The following RCOR3 variants were observed in gnomAD, a reference collection of about 807,000 sequenced individuals.
RCOR3 encodes REST corepressor 3.
A neutral mutation model predicts 64.1 loss-of-function variants in RCOR3; 13 were observed. The ratio of observed to expected loss-of-function variants is 0.20; its 90% CI spans 0.13 to 0.32. The LOEUF (loss-of-function observed/expected upper bound fraction) is 0.32, where lower values mean the gene tolerates loss of function less well. RCOR3 is among the 10% of genes least tolerant of loss of function. RCOR3 has a pLI of 1.00. For missense variants in RCOR3, 489 were observed against 701.2 expected (o/e 0.70, Z 3.42); for synonymous variants, 215 against 239.0 (o/e 0.90, Z 0.93).
intron 9 of RCOR3, chr1:211,301,913 A>G (rs1407973944): frequency 6.6e-6 from 1 of 152,204 alleles, no homozygotes; most frequent in Non-Finnish European, 1.5e-5. Context: ...TGAATTGATC[A>G]ACTTTTATTT....
chr1:211,315,622 ATACCTT>A lies in RCOR3; in HGVS notation c.*1858_*1863del, dbSNP rs1234183279. 1 of 152,212 alleles carries A rather than the reference ATACCTT, an allele frequency of 6.6e-6. No individual in the cohort carries two copies. Among genetic ancestry groups the A allele is most frequent in the African/African-American group, 2.4e-5 (1 of 41,466 alleles). 9.4% of individuals were successfully genotyped at this position (152,212 alleles called of 1,614,324 possible). On this transcript the variant is annotated 3_prime_UTR_variant, in exon 12 of 12. Transcript: ENST00000419091. ...AGATTGTCTTACGTATGTGCATACT[ATACCTT>A]TACAGCGTTTATTGTCTTGTCTCTT...
intron 7 of RCOR3, among the ~76,000 whole-genome samples, chr1:211,288,507 AT>A (rs1227468718): frequency 1.5e-4 from 2 of 13,046 alleles, no homozygotes; most frequent in African/African-American, 2.6e-4. Flanking sequence ...AAATTATTTT[AT>A]AAATATATTT....
At chr1:211,310,635 A>G (rs964514852) in intron 10 of RCOR3, among the ~76,000 whole-genome samples, 57 of 152,232 alleles carry the variant, frequency 3.7e-4, no homozygotes, top group Middle Eastern at 3.2e-3. Flanking sequence ...ATGACAAGGT[A>G]AAGTCCATTG....
chr1:211,308,664 T>TTTTTG (rs1701124462), intron 10 of RCOR3, among the ~76,000 whole-genome samples: 1 of 25,704 alleles, frequency 3.9e-5, no homozygotes, highest in African/African-American at 9.0e-5. Flanking sequence ...TGGATGTGTT[T>TTTTTG]TTTTTTTTGT....
chr1:211,305,573 G>A (rs1700772365), intron 10 of RCOR3, among the ~76,000 whole-genome samples: 1 of 152,048 alleles, frequency 6.6e-6, no homozygotes, highest in Admixed American at 6.6e-5. Context: ...CTGATTTCCA[G>A]TATTCAGTTG....
At chr1:211,296,551 G>T (rs899853859) in intron 9 of RCOR3, among the ~76,000 whole-genome samples, 4 of 152,124 alleles carry the variant, frequency 2.6e-5, no homozygotes, top group Non-Finnish European at 5.9e-5. Context: ...TGAAATTTAT[G>T]TGAGGGGCTA....
chr1:211,286,941 G>A (rs1042238337), intron 7 of RCOR3, among the ~76,000 whole-genome samples: 2 of 152,142 alleles, frequency 1.3e-5, no homozygotes, highest in African/African-American at 2.4e-5. Flanking sequence ...TCCTTTAGAA[G>A]CCCATTTAGT....
At position 211,314,663 on chromosome 1, in the gene RCOR3, GAGA is replaced by G. The variant is rs1424766415; in HGVS notation, c.*900_*902del. 3.3e-5 allele frequency: 5 copies of G among 152,246 alleles called. No individual in the cohort carries two copies. The highest frequency in any genetic ancestry group is 9.6e-5 in the African/African-American group (4 of 41,574). 9.4% of individuals were successfully genotyped at this position (152,246 alleles called of 1,614,324 possible). ...TAGTTGCCTACATCTGGGGACTTCA[GAGA>G]AGAATTATATTTTGTTAGTTAAGTA... On this transcript the variant is annotated 3_prime_UTR_variant, in exon 12 of 12. Coordinates refer to ENST00000419091, the MANE Select transcript of RCOR3 (RefSeq NM_001136223.3).
chr1:211,289,136 G>T lies in RCOR3; in HGVS notation c.721-42G>T, dbSNP rs142071735. ...TAGACTGTTTTCACTTTATACATTT[G>T]TGAAAACCAAGTGACCTGTTATTCT... On this transcript the variant is annotated intron_variant, in intron 7 of 11. Transcript: ENST00000419091. The T allele has an allele frequency of 9.5e-6, 14 of 1,475,096 alleles. No individual in the cohort carries two copies. In the African/African-American group the frequency reaches 1.9e-4, roughly 20 times the overall value. The allele number at this position is 1,475,096 out of a possible 1,614,324, so 91.4% of individuals were successfully genotyped here.
chr1:211,285,566 A>G (rs1013384825), intron 7 of RCOR3, among the ~76,000 whole-genome samples: 1 of 152,210 alleles, frequency 6.6e-6, no homozygotes, highest in Non-Finnish European at 1.5e-5. Context: ...AGGGGAAGGA[A>G]TATAGACCCC....
intron 3 of RCOR3, among the ~76,000 whole-genome samples, chr1:211,273,850 G>A (rs893905918): frequency 1.3e-5 from 2 of 152,092 alleles, no homozygotes; most frequent in Non-Finnish European, 2.9e-5. Flanking sequence ...AAACAGCTAA[G>A]TCTCCAAATA....
chr1:211,314,312 T>A lies in RCOR3; in HGVS notation c.*544T>A, dbSNP rs1277128729. ...ATATTTAAGAAATTATAGCTGCATA[T>A]CCCTTCTTTCAAAAAATGTTGCTTT... On this transcript the variant is annotated 3_prime_UTR_variant, in exon 12 of 12. Transcript: ENST00000419091. 6.6e-6 allele frequency: 1 copy of A among 152,164 alleles called. No homozygotes were observed. Among genetic ancestry groups the A allele is most frequent in the African/African-American group, 2.4e-5 (1 of 41,452 alleles). 9.4% of individuals were successfully genotyped at this position (152,164 alleles called of 1,614,324 possible).
intron 7 of RCOR3, among the ~76,000 whole-genome samples, chr1:211,282,850 T>C (rs1698008815): frequency 2.6e-5 from 4 of 152,200 alleles, no homozygotes; most frequent in Admixed American, 2.6e-4. Flanking sequence ...TAATGAAATT[T>C]CTAAATTATT....
At position 211,313,454 on chromosome 1, in the gene RCOR3, G is replaced by A. The variant is rs766489829; in HGVS notation, c.1348G>A (p.Gly450Ser). ...AQTPQAPRTL[G>S]PSPPAPSSTP... ...GACCCCACAGGCTCCTCGGACACTG[G>A]GTCCATCACCTCCTGCCCCATCATC... Residue 450 changes from glycine to serine, a missense_variant, in exon 12 of 12, where the codon GGT (glycine) becomes AGT (serine). Physicochemically the swap from Gly to Ser is moderately conservative, Grantham distance 56. Around this residue, in one of 2 missense-constraint regions of RCOR3, gnomAD observed 402 missense variants for 617.0 expected, o/e 0.65. Transcript: ENST00000419091. This position sits in a 1 kb window ranked among gnomAD's most constrained non-coding sequence, Gnocchi z 4.7. 1.9e-6 allele frequency: 3 copies of A among 1,613,744 alleles called. No homozygotes were observed. The highest frequency in any genetic ancestry group is 2.5e-6 in the Non-Finnish European group (3 of 1,179,878).
intron 10 of RCOR3, among the ~76,000 whole-genome samples, chr1:211,311,408 CT>C (rs1335072064): frequency 6.6e-6 from 1 of 152,116 alleles, no homozygotes; most frequent in African/African-American, 2.4e-5. Context: ...GTCCAGAATG[CT>C]CTTAAAGGAA....
intron 8 of RCOR3, among the ~76,000 whole-genome samples, chr1:211,290,962 T>C (rs1458581868): frequency 2.7e-5 from 4 of 147,782 alleles, no homozygotes; most frequent in African/African-American, 1.0e-4. Flanking sequence ...TTTTCTTGTT[T>C]GTTTGTTTGG....
In RCOR3 at chr1:211,260,293, G is replaced by A. The variant is rs566494715; in HGVS notation, c.223+129G>A. ...TTGGGCTGGGCAGGCATCCGTGGCG[G>A]GGAGGCTGTCAGGCTTGGCCGGGCT... On this transcript the variant is annotated intron_variant, in intron 2 of 11. Transcript: ENST00000419091. The A allele has an allele frequency of 2.1e-5, 16 of 772,438 alleles. No individual in the cohort carries two copies. The South Asian group carries it at 2.4e-4, about 12-fold the overall frequency. The allele number at this position is 772,438 out of a possible 1,614,324, so 47.8% of individuals were successfully genotyped here. A position where few individuals can be genotyped will look rare whatever the true frequency, so the allele number is the denominator to read the frequency against.
rs1391451313 is a variant in RCOR3, at chr1:211,315,834, A to C, written c.*2066A>C. On this transcript the variant is annotated 3_prime_UTR_variant, in exon 12 of 12. Coordinates refer to ENST00000419091, the MANE Select transcript of RCOR3 (RefSeq NM_001136223.3). ...TTGATTTACATGCATTAGAGCACAC[A>C]GTAGAAAAACTTTAGCTTCATTAGT... 1 of 152,246 alleles carries C rather than the reference A, an allele frequency of 6.6e-6. No individual in the cohort carries two copies. The highest frequency in any genetic ancestry group is 1.5e-5 in the Non-Finnish European group (1 of 68,038). 9.4% of individuals were successfully genotyped at this position (152,246 alleles called of 1,614,324 possible).
chr1:211,260,034 T>G, intron 1 of RCOR3, 74 bp from the exon 2 acceptor site: 1 of 1,477,374 alleles, frequency 6.8e-7, no homozygotes, highest in East Asian at 2.6e-5. Context: ...TTTTTATTTT[T>G]TAAGTGTCTC....
Sources: gnomAD v4.1 joint callset for allele counts (sites outside exome capture counted in the v4.1 genomes callset) on GRCh38, gnomAD v4.1.1 for gene constraint, gnomAD v4.1.1 regional missense constraint, Gnocchi (gnomAD v3.1) non-coding constraint, MANE v1.5 for transcripts, NCBI Gene and HGNC (gene_info 2026-07-23, HGNC 2026-07-21) for gene names.